GRAMD1B: variants seen among roughly 807,000 people sequenced by gnomAD.
The protein encoded by GRAMD1B is protein Aster-B.
In GRAMD1B, 37 loss-of-function variants were observed where a neutral mutation model predicts 99.7. That is an observed-to-expected ratio of 0.37 (90% CI 0.29 to 0.49). The LOEUF is 0.49. Ranked by LOEUF, GRAMD1B falls within the 20% of genes least tolerant of loss-of-function variation. GRAMD1B has a pLI of 0.98. For synonymous variants in GRAMD1B, 427 were observed against 387.6 expected (o/e 1.10, Z -1.19); for missense variants, 888 against 1,009.2 (o/e 0.88, Z 1.63).
chr11:123,609,984 C>A, intron 13 of GRAMD1B, 71 bp downstream of exon 13: 1 of 966,816 alleles, frequency 1.0e-6, no homozygotes, highest in Non-Finnish European at 1.6e-6. Context: ...GGATTAAGGG[C>A]AGATGTCAGG....
At chr11:123,435,320 A>T (rs539744972) in intron 1 of GRAMD1B, 1 of 662,092 alleles carries the variant, frequency 1.5e-6, no homozygotes, top group African/African-American at 1.8e-5. Flanking sequence ...ATGTGGTAGA[A>T]GTTAAGTGGC....
chr11:123,501,721 T>C, intron 2 of GRAMD1B, among the ~76,000 whole-genome samples: 1 of 152,330 alleles, frequency 6.6e-6, no homozygotes, highest in East Asian at 1.9e-4. Flanking sequence ...GAGACCCCAA[T>C]GCTTCTGAAT....
In GRAMD1B at chr11:123,380,594, C is replaced by T. The variant is rs76974814; in HGVS notation, c.-176+21795C>T. Among the ~76,000 whole-genome samples, 823 of 152,294 alleles carry T rather than the reference C, an allele frequency of 5.4e-3. 6 individuals carry two copies. Among genetic ancestry groups the T allele is most frequent in the Middle Eastern group, 0.014 (4 of 294 alleles). ...CAAACCTGCAAATATGGGTGATAGA[C>T]GGATGGACCCTTTGTAGTTGGCGTT... On this transcript the variant is annotated intron_variant, in intron 1 of 20. Coordinates refer to the GRAMD1B transcript ENST00000638157.
intron 1 of GRAMD1B, among the ~76,000 whole-genome samples, chr11:123,415,097 T>TTC (rs1948187599): frequency 5.5e-5 from 3 of 54,540 alleles, no homozygotes; most frequent in African/African-American, 1.8e-4. Context: ...TTTTCTTTCT[T>TTC]TTTTTTTTTT....
chr11:123,460,591 T>C (rs1950364885), intron 1 of GRAMD1B, among the ~76,000 whole-genome samples: 1 of 152,164 alleles, frequency 6.6e-6, no homozygotes, highest in African/African-American at 2.4e-5. Flanking sequence ...TTAGGACTGT[T>C]TTTATGTCTT....
chr11:123,416,428 G>A (rs1948234963), intron 1 of GRAMD1B, among the ~76,000 whole-genome samples: 1 of 152,252 alleles, frequency 6.6e-6, no homozygotes, highest in Admixed American at 6.5e-5. Context: ...TGATAATAAT[G>A]ATATGATAAA....
At chr11:123,435,636 T>A in intron 1 of GRAMD1B, 1 of 539,812 alleles carries the variant, frequency 1.9e-6, no homozygotes, top group South Asian at 2.9e-5. Context: ...ACCTGACCTC[T>A]TACAGTGATC....
At chr11:123,365,969 T>A (rs1445609643) in intron 1 of GRAMD1B, among the ~76,000 whole-genome samples, 1 of 152,142 alleles carries the variant, frequency 6.6e-6, no homozygotes, top group East Asian at 1.9e-4. Context: ...GGCAAATAAA[T>A]TATAGGAGAA....
Position 123,609,798 on chromosome 11 carries a change from T to C in GRAMD1B, c.1661T>C (p.Ile554Thr), listed in dbSNP as rs1450598849. ...DFMEQRRFSD[I>T]IFHPWKKEEN... The stretch of plus-strand genomic sequence containing the variant: ...CAGGGCTCTCCTCTACCCTTAGATA[T>C]CATCTTCCATCCATGGAAAAAGGAG... The change falls in exon 13 of 20, where the codon ATC (isoleucine) becomes ACC (threonine). Residue 554 changes from isoleucine to threonine, a missense_variant. This residue lies in a region of GRAMD1B where 269 missense variants were observed against 296.6 expected (regional missense o/e 0.91). Transcript: ENST00000635736. 3 of 1,545,296 alleles carry C rather than the reference T, an allele frequency of 1.9e-6. No homozygotes were observed. Among genetic ancestry groups the C allele is most frequent in the Non-Finnish European group, 1.8e-6 (2 of 1,126,504 alleles).
chr11:123,522,615 A>G (rs1016211945), intron 2 of GRAMD1B, among the ~76,000 whole-genome samples: 29 of 152,128 alleles, frequency 1.9e-4, no homozygotes, highest in African/African-American at 7.0e-4. Flanking sequence ...CACCATGCCC[A>G]GCCGAGATTT....
At chr11:123,445,046 G>T (rs930812290) in intron 1 of GRAMD1B, among the ~76,000 whole-genome samples, 3 of 152,140 alleles carry the variant, frequency 2.0e-5, no homozygotes, top group Non-Finnish European at 4.4e-5. Flanking sequence ...AAAGTCCAAG[G>T]GTTTTAGGAG....
At chr11:123,436,578 G>A (rs913928247) in intron 1 of GRAMD1B, among the ~76,000 whole-genome samples, 7 of 152,188 alleles carry the variant, frequency 4.6e-5, no homozygotes, top group Non-Finnish European at 8.8e-5. Flanking sequence ...AGGAGCTGTC[G>A]TAGATTCTGG....
At chr11:123,554,943 A>G (rs1309053159) in intron 2 of GRAMD1B, among the ~76,000 whole-genome samples, 1 of 152,226 alleles carries the variant, frequency 6.6e-6, no homozygotes, top group Non-Finnish European at 1.5e-5. Context: ...TGTATGGCAC[A>G]GAGGCTCTAG....
intron 2 of GRAMD1B, among the ~76,000 whole-genome samples, chr11:123,526,673 C>T (rs1291276587): frequency 6.6e-6 from 1 of 152,084 alleles, no homozygotes; most frequent in Non-Finnish European, 1.5e-5. Flanking sequence ...AGGGGCCAGG[C>T]TCCATCTTCT....
At chr11:123,480,247 C>T (rs1951518295) in intron 1 of GRAMD1B, among the ~76,000 whole-genome samples, 1 of 152,164 alleles carries the variant, frequency 6.6e-6, no homozygotes, top group Non-Finnish European at 1.5e-5. Flanking sequence ...TCTCATCCGC[C>T]TCAGCCTCCC....
chr11:123,577,857 G>C lies in GRAMD1B; in HGVS notation c.663+280G>C, dbSNP rs190386948. Among the ~76,000 whole-genome samples the C allele has an allele frequency of 1.3e-3, 194 of 152,032 alleles. 4 individuals are homozygous for C. Among genetic ancestry groups the C allele is most frequent in the Non-Finnish European group, 5.2e-4 (35 of 67,932 alleles). On this transcript the variant is annotated intron_variant, in intron 3 of 19. Coordinates refer to ENST00000635736, the MANE Select transcript of GRAMD1B (RefSeq NM_001387025.1). ...GAGACGCTCTGGGAATCATTAGGGG[G>C]TCATCTGCTTATTCCTGCTACCGTT...
chr11:123,418,860 T>C (rs746118034), intron 1 of GRAMD1B, among the ~76,000 whole-genome samples: 3 of 152,178 alleles, frequency 2.0e-5, no homozygotes, highest in Non-Finnish European at 4.4e-5. Context: ...TTTTCATTCA[T>C]AGACACTTAC....
At chr11:123,512,368 T>C (rs1391634988) in intron 2 of GRAMD1B, among the ~76,000 whole-genome samples, 1 of 152,106 alleles carries the variant, frequency 6.6e-6, no homozygotes, top group African/African-American at 2.4e-5. Context: ...AAAGGTATGA[T>C]TTGGGGATTT....
intron 1 of GRAMD1B, among the ~76,000 whole-genome samples, chr11:123,371,790 C>T (rs932646267): frequency 6.6e-6 from 1 of 152,190 alleles, no homozygotes; most frequent in African/African-American, 2.4e-5. Context: ...GCTTGTCTTG[C>T]TAGAGTTCTC....
Sources: gnomAD v4.1 joint callset for allele counts (sites outside exome capture counted in the v4.1 genomes callset) on GRCh38, gnomAD v4.1.1 for gene constraint, gnomAD v4.1.1 regional missense constraint, MANE v1.5 for transcripts, NCBI Gene and HGNC (gene_info 2026-07-23, HGNC 2026-07-21) for gene names.